HOMER1: variants seen among roughly 807,000 people sequenced by gnomAD.
HOMER1 encodes the protein homer protein homolog 1.
Under a neutral mutation model 48.9 loss-of-function variants are expected in HOMER1, and 3 were observed. The ratio of observed to expected loss-of-function variants is 0.06; its 90% CI spans 0.03 to 0.16. The LOEUF (loss-of-function observed/expected upper bound fraction) is 0.16, where lower values mean the gene tolerates loss of function less well. Among genes scored for constraint, HOMER1 ranks in the 10% least tolerant of loss-of-function variants. The pLI, the probability that HOMER1 is intolerant of heterozygous loss-of-function variation, is 1.00. For synonymous variants in HOMER1, 134 were observed against 146.4 expected, an observed-to-expected ratio of 0.92 and a Z score of 0.61; for missense variants, 247 against 411.4, an observed-to-expected ratio of 0.60 and a Z score of 3.46.
At chr5:79,450,709 A>G (rs1751005755) in intron 3 of HOMER1, among the ~76,000 whole-genome samples, 1 of 152,160 alleles carries the variant, frequency 6.6e-6, no homozygotes, top group South Asian at 2.1e-4. Flanking sequence ...TCTGACAAAA[A>G]TCCATTCTGA....
chr5:79,440,872 A>G (rs919957437), intron 4 of HOMER1, among the ~76,000 whole-genome samples: 1 of 152,186 alleles, frequency 6.6e-6, no homozygotes, highest in African/African-American at 2.4e-5. Flanking sequence ...GATAACAGAA[A>G]CAAGTTACCG....
rs562049370 is a variant in HOMER1 at position 79,439,114 on chromosome 5, T to G, written c.423A>C (p.Thr141=). ...SAGGDLQSPL[T]PESINGTDDE... is the part of the protein sequence containing the mutation. ...CATCTGTCCCGTTGATACTTTCCGG[T>G]GTTAAAGGAGACTGAAGATCCCCGC... The change falls in exon 5 of 9, where the codon ACA becomes ACC. Residue 141 remains threonine, a synonymous_variant. Transcript: ENST00000334082. 6.2e-7 allele frequency: 1 copy of G among 1,613,840 alleles called. No individual in the cohort carries two copies. The highest frequency in any genetic ancestry group is 8.5e-7 in the Non-Finnish European group (1 of 1,179,928).
intron 4 of HOMER1, among the ~76,000 whole-genome samples, chr5:79,445,175 C>T (rs1750841964): frequency 6.6e-6 from 1 of 152,242 alleles, no homozygotes; most frequent in East Asian, 1.9e-4. Flanking sequence ...AAGGCAATTC[C>T]TATTTTCTTC....
chr5:79,474,983 G>T (rs1165825136), intron 1 of HOMER1, among the ~76,000 whole-genome samples: 1 of 152,156 alleles, frequency 6.6e-6, no homozygotes, highest in Non-Finnish European at 1.5e-5. Flanking sequence ...TCCCAAAGGA[G>T]GGAAGCCACA....
At chr5:79,394,774 T>G (rs1007276015) in intron 8 of HOMER1, among the ~76,000 whole-genome samples, 3 of 152,298 alleles carry the variant, frequency 2.0e-5, no homozygotes, top group Admixed American at 1.3e-4. Context: ...TTCGCTATGT[T>G]GCCCAGGTTG....
At chr5:79,390,294 AAAAC>A (rs202172241) in intron 8 of HOMER1, among the ~76,000 whole-genome samples, 3,694 of 152,110 alleles carry the variant, frequency 0.024, 147 homozygotes, top group African/African-American at 0.084. Flanking sequence ...TCAAAAACAA[AAAAC>A]AAACAAACAA....
intron 1 of HOMER1, 58 bp downstream of exon 1, chr5:79,512,712 C>G: frequency 5.9e-6 from 9 of 1,534,938 alleles, no homozygotes; most frequent in Admixed American, 1.7e-5. Flanking sequence ...ACCACCACCG[C>G]TCAATAATAC....
intron 8 of HOMER1, among the ~76,000 whole-genome samples, chr5:79,376,874 A>AT (rs1748784790): frequency 6.6e-6 from 1 of 152,232 alleles, no homozygotes; most frequent in South Asian, 2.1e-4. Flanking sequence ...GTTCATGACA[A>AT]CAAAAAAAAC....
At chr5:79,482,981 C>G (rs1024770412) in intron 1 of HOMER1, among the ~76,000 whole-genome samples, 2 of 151,992 alleles carry the variant, frequency 1.3e-5, no homozygotes, top group Non-Finnish European at 2.9e-5. Context: ...CCAGCCTCGA[C>G]AACAGGTCAA....
At chr5:79,492,256 C>G (rs572740360) in intron 1 of HOMER1, among the ~76,000 whole-genome samples, 1 of 152,212 alleles carries the variant, frequency 6.6e-6, no homozygotes, top group Non-Finnish European at 1.5e-5. Flanking sequence ...AAAAAAAAAT[C>G]CACATTGAGG....
chr5:79,401,855 A>G, intron 6 of HOMER1, 44 bp downstream of exon 6: 2 of 1,586,220 alleles, frequency 1.3e-6, no homozygotes, highest in Non-Finnish European at 1.7e-6. Context: ...GATCAAGAAA[A>G]CCTGTTAGCC....
chr5:79,408,475 A>G (rs1408640656), intron 5 of HOMER1, among the ~76,000 whole-genome samples: 1 of 152,200 alleles, frequency 6.6e-6, no homozygotes, highest in Non-Finnish European at 1.5e-5. Flanking sequence ...ATTAAAATGA[A>G]GATAATTATA....
intron 5 of HOMER1, among the ~76,000 whole-genome samples, chr5:79,428,959 C>A (rs1307304009): frequency 6.6e-6 from 1 of 152,188 alleles, no homozygotes; most frequent in Non-Finnish European, 1.5e-5. Context: ...AATTTCTAGG[C>A]ACTAAAATTC....
intron 8 of HOMER1, among the ~76,000 whole-genome samples, chr5:79,383,032 G>A (rs1487946361): frequency 6.6e-6 from 1 of 152,128 alleles, no homozygotes; most frequent in Non-Finnish European, 1.5e-5. Flanking sequence ...GTAAATGTAT[G>A]GAAAAAGATA....
At chr5:79,405,799 T>C (rs1276011956) in intron 5 of HOMER1, among the ~76,000 whole-genome samples, 1 of 152,204 alleles carries the variant, frequency 6.6e-6, no homozygotes, top group Non-Finnish European at 1.5e-5. Context: ...TTTATAACAC[T>C]AATTTTAATA....
intron 1 of HOMER1, among the ~76,000 whole-genome samples, chr5:79,464,372 C>T (rs751303571): frequency 2.0e-5 from 3 of 152,126 alleles, no homozygotes; most frequent in Non-Finnish European, 4.4e-5. Context: ...CCTCAGCTTG[C>T]TTTTGGGTGA....
chr5:79,383,946 T>G (rs1400499041), intron 8 of HOMER1, among the ~76,000 whole-genome samples: 1 of 151,922 alleles, frequency 6.6e-6, no homozygotes, highest in Non-Finnish European at 1.5e-5. Context: ...AATTAAAAAA[T>G]ATTTTGAAAC....
At chr5:79,440,476 A>G (rs1428931706) in intron 4 of HOMER1, among the ~76,000 whole-genome samples, 1 of 152,234 alleles carries the variant, frequency 6.6e-6, no homozygotes, top group Non-Finnish European at 1.5e-5. Flanking sequence ...AATTTTCAGT[A>G]AAACTTCTAA....
intron 1 of HOMER1, among the ~76,000 whole-genome samples, chr5:79,483,395 G>A (rs973265142): frequency 9.9e-5 from 15 of 152,026 alleles, no homozygotes; most frequent in Admixed American, 6.5e-4. Context: ...AAATGTCTTA[G>A]AACTACATAG....
Sources: allele counts gnomAD v4.1 joint callset (sites outside exome capture counted in the v4.1 genomes callset), GRCh38; gene constraint gnomAD v4.1.1; transcripts MANE v1.5; gene names NCBI Gene and HGNC (gene_info 2026-07-23, HGNC 2026-07-21).